Variants in PCNT observed in about 807,000 individuals in gnomAD.
PCNT encodes the protein kendrin.
Under a neutral mutation model 380.4 loss-of-function variants are expected in PCNT, and 319 were observed. That is an observed-to-expected ratio of 0.84 (90% CI 0.77 to 0.92). The LOEUF (loss-of-function observed/expected upper bound fraction) is 0.92. PCNT is among the 40% of genes least tolerant of loss of function. The probability of loss-of-function intolerance (pLI) is 0.00; values close to 1 mark genes in which losing one functional copy is unlikely to be tolerated. For synonymous variants in PCNT, 1,845 were observed against 1,735.2 expected (o/e 1.06, Z -1.57); for missense variants, 4,400 against 4,255.3 (o/e 1.03, Z -0.95).
At chr21:46,364,345 C>T (rs1160644121) in intron 14 of PCNT, among the ~76,000 whole-genome samples, 1 of 151,460 alleles carries the variant, frequency 6.6e-6, no homozygotes, top group African/African-American at 2.4e-5. Context: ...CCCCGAAGCC[C>T]CCCGGCCACA....
Position 46,423,876 on chromosome 21 carries a change from A to T in PCNT, c.7179+1752A>T, listed in dbSNP as rs912929390. On this transcript the variant is annotated intron_variant, in intron 32 of 46. Coordinates refer to ENST00000359568, the MANE Select transcript of PCNT (RefSeq NM_006031.6). ...GGAGGAAGAGGAGGAACTGCTGTCC[A>T]GGGAGCACCTCCAGCTTTGAAAGGT... 2.7e-5 allele frequency among the ~76,000 whole-genome samples: 4 copies of T among 148,872 alleles called. No individual in the cohort carries two copies. The East Asian group carries it at 8.1e-4, about 30-fold the overall frequency.
intron 37 of PCNT, 67 bp downstream of exon 37, chr21:46,430,724 C>G (rs906522341): frequency 7.7e-5 from 119 of 1,542,768 alleles, no homozygotes; most frequent in Non-Finnish European, 9.8e-5. Flanking sequence ...AGCCATGCTC[C>G]TCTTTCATCC....
At chr21:46,423,979 T>C (rs1010679118) in intron 32 of PCNT, among the ~76,000 whole-genome samples, 3 of 152,138 alleles carry the variant, frequency 2.0e-5, no homozygotes, top group African/African-American at 7.2e-5. Flanking sequence ...TTTTCCTTTA[T>C]TGTCTTAATT....
At chr21:46,415,196 C>T (rs13339949) in intron 29 of PCNT, among the ~76,000 whole-genome samples, 2,940 of 152,234 alleles carry the variant, frequency 0.019, 86 homozygotes, top group African/African-American at 0.066. Flanking sequence ...ATTCTTAATT[C>T]CACAGAAATC....
rs942925965 is a variant in PCNT, at chr21:46,437,072, C to G, written c.9090C>G (p.Thr3030=). The stretch of plus-strand genomic sequence containing the variant: ...TGAAGTCTGACTTGAGCAGGCCCAC[C>G]TCCTCCCAGGTAAGGGGTGAGCGCC... ...EELKSDLSRP[T]SSQKKMAAEL... The change falls in exon 40 of 47, where the codon ACC becomes ACG. Residue 3030 remains threonine (T), a synonymous_variant. Transcript: ENST00000359568. 1 of 1,613,272 alleles carries G rather than the reference C, an allele frequency of 6.2e-7. No homozygotes were observed. Among genetic ancestry groups the G allele is most frequent in the Non-Finnish European group, 8.5e-7 (1 of 1,179,336 alleles).
chr21:46,332,670 G>A (rs563322896), intron 2 of PCNT, among the ~76,000 whole-genome samples: 6 of 152,278 alleles, frequency 3.9e-5, no homozygotes, highest in African/African-American at 1.4e-4. Context: ...TTATTTTCAC[G>A]TCAGTTTTGC....
intron 3 of PCNT, among the ~76,000 whole-genome samples, chr21:46,342,084 G>A (rs1350981811): frequency 6.6e-6 from 1 of 151,950 alleles, no homozygotes; most frequent in African/African-American, 2.4e-5. Flanking sequence ...TGGGATTATA[G>A]GCATGCACCG....
At chr21:46,437,414 G>T (rs2053491118) in intron 40 of PCNT, among the ~76,000 whole-genome samples, 1 of 152,166 alleles carries the variant, frequency 6.6e-6, no homozygotes, top group Admixed American at 6.5e-5. Context: ...GCTGCTCGCT[G>T]TGCATGACCT....
At chr21:46,337,412 G>A (rs1457918974) in intron 3 of PCNT, among the ~76,000 whole-genome samples, 1 of 152,180 alleles carries the variant, frequency 6.6e-6, no homozygotes, top group Non-Finnish European at 1.5e-5. Flanking sequence ...TCCATTTTCA[G>A]TTTCCAGTCA....
intron 40 of PCNT, 135 bp from the exon 41 acceptor site, chr21:46,438,029 C>T (rs1601208589): frequency 1.3e-6 from 1 of 753,014 alleles, no homozygotes; most frequent in East Asian, 2.7e-5. Context: ...CAATTTTCTG[C>T]CAGCTCCACA....
chr21:46,345,335 A>G lies in PCNT; in HGVS notation c.640-793A>G, dbSNP rs184261302. Among the ~76,000 whole-genome samples, 604 of 152,214 alleles carry G rather than the reference A, an allele frequency of 4.0e-3. 5 individuals carry two copies. The highest frequency in any genetic ancestry group is 0.014 in the African/African-American group (578 of 41,518). On this transcript the variant is annotated intron_variant, in intron 3 of 46. Coordinates refer to ENST00000359568, the MANE Select transcript of PCNT (RefSeq NM_006031.6). Reference sequence around the variant, plus strand: ...CAGGTTCAAGTGATCCTCCTGCCTCAGCCTCCCAAGTAGCTGGGACTACAG... The same window carrying G: ...CAGGTTCAAGTGATCCTCCTGCCTCGGCCTCCCAAGTAGCTGGGACTACAG...
intron 31 of PCNT, chr21:46,420,819 C>T (rs1403569301): frequency 6.6e-6 from 1 of 152,244 alleles, no homozygotes; most frequent in Non-Finnish European, 1.5e-5. Flanking sequence ...GATGCAACAT[C>T]CTTCACCCTC....
At chr21:46,429,385 G>A (rs58767772) in intron 35 of PCNT, among the ~76,000 whole-genome samples, 4 of 136,508 alleles carry the variant, frequency 2.9e-5, no homozygotes, top group East Asian at 2.1e-4. Context: ...GGGTGCCGGC[G>A]CTGTGCGAGC....
At chr21:46,330,178 C>T (rs183373232) in intron 2 of PCNT, among the ~76,000 whole-genome samples, 4 of 152,116 alleles carry the variant, frequency 2.6e-5, no homozygotes, top group East Asian at 3.9e-4. Flanking sequence ...AGTGCAGTGG[C>T]GCAATCATGG....
At chr21:46,373,069 C>T (rs996904132) in intron 15 of PCNT, among the ~76,000 whole-genome samples, 2 of 152,080 alleles carry the variant, frequency 1.3e-5, no homozygotes, top group Non-Finnish European at 2.9e-5. Context: ...TCGCCCAGGC[C>T]GAAGGTAGTG....
In PCNT at chr21:46,412,845, G is replaced by A; in HGVS notation, c.6003G>A (p.Leu2001=). ...EPVVPDPQGD[L]QPVLVTLKDA... ...CTGTCTCCTCTGTCAAGGGTGATCT[G>A]CAGCCTGTCCTGGTGACGTTGAAGG... Residue 2001 remains leucine (L), a synonymous_variant, in exon 29 of 47, where the codon CTG becomes CTA. Transcript: ENST00000359568. 1.2e-6 allele frequency: 2 copies of A among 1,611,698 alleles called. No individual in the cohort carries two copies. Among genetic ancestry groups the A allele is most frequent in the East Asian group, 2.2e-5 (1 of 44,888 alleles).
chr21:46,414,759 G>A (rs882402), intron 29 of PCNT, among the ~76,000 whole-genome samples: 46 of 45,184 alleles, frequency 1.0e-3, no homozygotes, highest in African/African-American at 6.4e-3. Flanking sequence ...ACACGCAGCC[G>A]CCCACCCTCC....
intron 21 of PCNT, among the ~76,000 whole-genome samples, chr21:46,393,665 G>T (rs1180278466): frequency 1.3e-5 from 2 of 152,218 alleles, no homozygotes; most frequent in African/African-American, 4.8e-5. Flanking sequence ...GAACGGCCCG[G>T]TGAGGCCGGG....
chr21:46,361,640 T>C (rs1056069171), intron 13 of PCNT, among the ~76,000 whole-genome samples: 2 of 152,244 alleles, frequency 1.3e-5, no homozygotes, highest in African/African-American at 4.8e-5. Context: ...AATGGCCTTA[T>C]ACTTGCCATT....
Sources: allele counts gnomAD v4.1 joint callset (sites outside exome capture counted in the v4.1 genomes callset), GRCh38; gene constraint gnomAD v4.1.1; transcripts MANE v1.5; gene names NCBI Gene and HGNC (gene_info 2026-07-23, HGNC 2026-07-21).